ADGRV1: variants seen among roughly 807,000 people sequenced by gnomAD.
ADGRV1 encodes adhesion G protein-coupled receptor V1.
Under a neutral mutation model 596.2 loss-of-function variants are expected in ADGRV1, and 359 were observed. The observed-to-expected ratio is 0.60, with a 90% confidence interval of 0.55 to 0.66. The LOEUF (loss-of-function observed/expected upper bound fraction) is 0.66, where lower values mean the gene tolerates loss of function less well. ADGRV1 is among the 30% of genes least tolerant of loss of function. The pLI is 0.00. For synonymous variants in ADGRV1, 2,681 were observed against 2,679.2 expected, an observed-to-expected ratio of 1.00 and a Z score of -0.02; for missense variants, 7,274 against 7,575.6, an observed-to-expected ratio of 0.96 and a Z score of 1.48.
chr5:90,790,307 A>T (rs1408883963), intron 69 of ADGRV1, among the ~76,000 whole-genome samples: 1 of 152,200 alleles, frequency 6.6e-6, no homozygotes, highest in East Asian at 1.9e-4. Context: ...ATATTTGATT[A>T]ACAGATCAAG....
chr5:91,050,744 C>T (rs188492421), intron 85 of ADGRV1, among the ~76,000 whole-genome samples: 40 of 152,104 alleles, frequency 2.6e-4, no homozygotes, highest in African/African-American at 8.9e-4. Flanking sequence ...CCTGTGGTTC[C>T]AGGTACTCAG....
chr5:90,989,027 A>C (rs567163104), intron 85 of ADGRV1, among the ~76,000 whole-genome samples: 1 of 152,104 alleles, frequency 6.6e-6, no homozygotes, highest in East Asian at 1.9e-4. Context: ...CATTTTCTTA[A>C]TCCAGTCTAT....
Position 90,704,240 on chromosome 5 carries a change from G to A in ADGRV1, c.8287-149G>A. The A allele has an allele frequency of 4.9e-6, 3 of 606,952 alleles. No individual in the cohort carries two copies. In the South Asian group the frequency reaches 6.6e-5, roughly 13 times the overall value. 37.6% of individuals were successfully genotyped at this position (606,952 alleles called of 1,614,324 possible). On this transcript the variant is annotated intron_variant, in intron 35 of 89. Coordinates refer to ENST00000405460, the MANE Select transcript of ADGRV1 (RefSeq NM_032119.4). ...GAGCTTAGGTTCCCATGTGTCAGTG[G>A]TTTTTATTTATTTATTTTTAAGCCA...
intron 83 of ADGRV1, among the ~76,000 whole-genome samples, chr5:90,959,752 C>A (rs1777808499): frequency 6.6e-6 from 1 of 151,906 alleles, no homozygotes; most frequent in Non-Finnish European, 1.5e-5. Context: ...GGAAAAAAAT[C>A]AAAATAATTA....
intron 61 of ADGRV1, 151 bp from the exon 62 acceptor site, chr5:90,777,754 C>T (rs1194718157): frequency 3.1e-6 from 2 of 655,030 alleles, no homozygotes; most frequent in Non-Finnish European, 5.0e-6. Context: ...TTAAGACTTC[C>T]TTTGGTTTAT....
At chr5:90,882,942 A>G (rs1054407704) in intron 83 of ADGRV1, among the ~76,000 whole-genome samples, 4 of 149,332 alleles carry the variant, frequency 2.7e-5, no homozygotes, top group African/African-American at 1.0e-4. Flanking sequence ...TGACCATATT[A>G]TCTATTATGC....
At chr5:91,096,737 T>C (rs1211492393) in intron 86 of ADGRV1, among the ~76,000 whole-genome samples, 1 of 152,202 alleles carries the variant, frequency 6.6e-6, no homozygotes, top group Non-Finnish European at 1.5e-5. Context: ...ATTTAGCATC[T>C]TAAACCATTT....
At chr5:90,765,676 A>C (rs1426995465) in intron 59 of ADGRV1, among the ~76,000 whole-genome samples, 2 of 151,904 alleles carry the variant, frequency 1.3e-5, no homozygotes, top group Non-Finnish European at 2.9e-5. Context: ...ACAATAGATT[A>C]TTGTTACCTA....
At chr5:90,671,559 C>T (rs1370944143) in intron 21 of ADGRV1, among the ~76,000 whole-genome samples, 1 of 152,214 alleles carries the variant, frequency 6.6e-6, no homozygotes, top group African/African-American at 2.4e-5. Context: ...TGATAACTTT[C>T]GACTATTGTC....
intron 85 of ADGRV1, among the ~76,000 whole-genome samples, chr5:91,069,017 A>G (rs1163668542): frequency 6.6e-6 from 1 of 152,212 alleles, no homozygotes; most frequent in Non-Finnish European, 1.5e-5. Flanking sequence ...TCTTCTGCAA[A>G]GCTGACAAGA....
At chr5:90,985,260 C>T (rs1041278944) in intron 84 of ADGRV1, 84 bp from the exon 85 acceptor site, 25 of 885,944 alleles carry the variant, frequency 2.8e-5, no homozygotes, top group South Asian at 1.3e-4. Context: ...TTTTGTTGGT[C>T]GGTAACATTG....
At chr5:90,904,435 T>A (rs1772132652) in intron 83 of ADGRV1, among the ~76,000 whole-genome samples, 2 of 152,082 alleles carry the variant, frequency 1.3e-5, no homozygotes, top group Non-Finnish European at 2.9e-5. Flanking sequence ...TTATTGCTTG[T>A]CTTTCGGATA....
At chr5:90,736,817 T>C (rs1341445974) in intron 50 of ADGRV1, among the ~76,000 whole-genome samples, 1 of 151,992 alleles carries the variant, frequency 6.6e-6, no homozygotes, top group Admixed American at 6.6e-5. Context: ...TGTTGTAATG[T>C]CTCTACTTTT....
chr5:90,914,840 A>G (rs1029649095), intron 83 of ADGRV1, among the ~76,000 whole-genome samples: 5 of 152,192 alleles, frequency 3.3e-5, no homozygotes, highest in Admixed American at 6.5e-5. Context: ...TAGGACCACA[A>G]TGGAATATAT....
intron 45 of ADGRV1, among the ~76,000 whole-genome samples, chr5:90,723,353 AAGG>A (rs1168781801): frequency 6.6e-6 from 1 of 152,108 alleles, no homozygotes; most frequent in African/African-American, 2.4e-5. Flanking sequence ...TTAGAAGAAA[AAGG>A]AGATAATTAA....
At chr5:90,676,348 AG>A in intron 25 of ADGRV1, 139 bp downstream of exon 25, 1 of 707,726 alleles carries the variant, frequency 1.4e-6, no homozygotes. Flanking sequence ...TGAAGAGAGC[AG>A]CCTGAAAGTT....
chr5:90,694,757 TTTTTATGATAAAA>T, intron 33 of ADGRV1, 56 bp downstream of exon 33: 1 of 1,382,064 alleles, frequency 7.2e-7, no homozygotes, highest in Non-Finnish European at 9.8e-7. Flanking sequence ...TCATAGTCCA[TTTTTATGATAAAA>T]TTTATAAGAA....
intron 1 of ADGRV1, among the ~76,000 whole-genome samples, chr5:90,581,308 G>A (rs1241858278): frequency 6.6e-6 from 1 of 152,224 alleles, no homozygotes; most frequent in Non-Finnish European, 1.5e-5. Context: ...CTGGTGAGGA[G>A]CTGTGATCCT....
intron 43 of ADGRV1, 111 bp from the exon 44 acceptor site, chr5:90,719,937 T>C (rs930847462): frequency 3.0e-5 from 24 of 794,444 alleles, no homozygotes; most frequent in Non-Finnish European, 4.7e-5. Flanking sequence ...AGTGAGATGA[T>C]ATTTTTCAAA....
Sources: gnomAD v4.1 joint callset for allele counts (sites outside exome capture counted in the v4.1 genomes callset) on GRCh38, gnomAD v4.1.1 for gene constraint, MANE v1.5 for transcripts, NCBI Gene and HGNC (gene_info 2026-07-23, HGNC 2026-07-21) for gene names.